CUEDC1: variants seen among roughly 807,000 people sequenced by gnomAD.
CUEDC1 encodes the protein CUE domain containing 1, also known as CUE domain-containing protein 1.
Under a neutral mutation model 43.7 loss-of-function variants are expected in CUEDC1, and 30 were observed. The observed-to-expected ratio is 0.69, with a 90% CI of 0.51 to 0.93. The LOEUF is 0.93. Ranked by LOEUF, CUEDC1 falls within the 40% of genes least tolerant of loss-of-function variation. The pLI, the probability that CUEDC1 is intolerant of heterozygous loss-of-function variation, is 0.00. For synonymous variants in CUEDC1, 223 were observed against 223.6 expected (o/e 1.00, Z 0.02); for missense variants, 486 against 549.0 (o/e 0.89, Z 1.15).
At chr17:57,943,639 A>G (rs1323895460) in intron 1 of CUEDC1, among the ~76,000 whole-genome samples, 1 of 152,146 alleles carries the variant, frequency 6.6e-6, no homozygotes. Flanking sequence ...CCCAAATAAA[A>G]TGGGATAGGA....
chr17:57,905,655 AG>A (rs2074523484), intron 1 of CUEDC1, among the ~76,000 whole-genome samples: 1 of 152,232 alleles, frequency 6.6e-6, no homozygotes. Context: ...CAAAAAACAC[AG>A]GGCACATCCA....
rs1187975774 is a variant in CUEDC1, at chr17:57,873,572, CG to C, written c.591+18del. On this transcript the variant is annotated intron_variant, in intron 4 of 10. Transcript: ENST00000577830. The stretch of plus-strand genomic sequence containing the variant: ...TGGACAAGCAGGTGGGAGTGGAAGG[CG>C]GGGGCGGCCCCTGTTACCTGTATGC... The C allele has an allele frequency of 1.3e-6, 2 of 1,526,814 alleles. No homozygotes were observed. The highest frequency in any genetic ancestry group is 1.8e-6 in the Non-Finnish European group (2 of 1,134,236). 94.6% of individuals were successfully genotyped at this position (1,526,814 alleles called of 1,614,324 possible). A position where few individuals can be genotyped will look rare whatever the true frequency, so the allele number is the denominator to read the frequency against.
At chr17:57,866,975 G>C (rs2073968094) in intron 9 of CUEDC1, 1 of 369,878 alleles carries the variant, frequency 2.7e-6, no homozygotes, top group Non-Finnish European at 5.1e-6. Context: ...GGAAGGGACT[G>C]GGTGAAAGTT....
At chr17:57,880,195 G>A (rs923394841) in intron 2 of CUEDC1, among the ~76,000 whole-genome samples, 1 of 152,186 alleles carries the variant, frequency 6.6e-6, no homozygotes, top group Non-Finnish European at 1.5e-5. Flanking sequence ...AGCTGCATGC[G>A]TGTGACTCAT....
At chr17:57,887,163 C>A (rs532478609) in intron 1 of CUEDC1, among the ~76,000 whole-genome samples, 1 of 152,120 alleles carries the variant, frequency 6.6e-6, no homozygotes, top group East Asian at 1.9e-4. Flanking sequence ...TTCTCCTGCC[C>A]CAGCCAATGT....
chr17:57,929,924 C>A (rs1384648425), intron 1 of CUEDC1, among the ~76,000 whole-genome samples: 1 of 152,182 alleles, frequency 6.6e-6, no homozygotes, highest in Non-Finnish European at 1.5e-5. Flanking sequence ...GCCTCAGCCT[C>A]CCGAGTAGCT....
At position 57,930,082 on chromosome 17, in the gene CUEDC1, C is replaced by T. The variant is rs991987824; in HGVS notation, c.-316+25143G>A. On this transcript the variant is annotated intron_variant, in intron 1 of 10. Transcript: ENST00000577830. This position sits in a 1 kb window ranked among gnomAD's most constrained non-coding sequence, Gnocchi z 4.2. The stretch of plus-strand genomic sequence containing the variant: ...CCTCCCAAAGTGCTGGGATTACAGG[C>T]GTGAGCCACTGCGCCCGGCCACTTC... 2.0e-5 allele frequency among the ~76,000 whole-genome samples: 3 copies of T among 152,198 alleles called. No homozygotes were observed. Among genetic ancestry groups the T allele is most frequent in the African/African-American group, 4.8e-5 (2 of 41,440 alleles).
At position 57,954,184 on chromosome 17, in the gene CUEDC1, G is replaced by C. The variant is rs879522181; in HGVS notation, c.-316+1041C>G. Reference sequence around the variant, plus strand: ...TCCTGGGCCAGGTGGCTCAGGTGCTGCGGGATCACCCAGGGAAGGCTCATT... The same window carrying C: ...TCCTGGGCCAGGTGGCTCAGGTGCTCCGGGATCACCCAGGGAAGGCTCATT... On this transcript the variant is annotated intron_variant, in intron 1 of 10. Coordinates refer to ENST00000577830, the MANE Select transcript of CUEDC1 (RefSeq NM_001271875.2). This position sits in a 1 kb window ranked among gnomAD's most constrained non-coding sequence, Gnocchi z 4.3. Among the ~76,000 whole-genome samples the C allele has an allele frequency of 2.6e-5, 4 of 152,192 alleles. No homozygotes were observed. Among genetic ancestry groups the C allele is most frequent in the Non-Finnish European group, 4.4e-5 (3 of 68,042 alleles).
At chr17:57,893,162 G>A (rs1352283232) in intron 1 of CUEDC1, among the ~76,000 whole-genome samples, 4 of 152,220 alleles carry the variant, frequency 2.6e-5, no homozygotes, top group Non-Finnish European at 5.9e-5. Flanking sequence ...TGAGTCCTGC[G>A]GAAACCTCAA....
Position 57,924,539 on chromosome 17 carries a change from C to T in CUEDC1, c.-316+30686G>A, listed in dbSNP as rs1221323658. On this transcript the variant is annotated intron_variant, in intron 1 of 10. Transcript: ENST00000577830. ...GAAGTGGTGTCTATCCCGTGTGTTGCGTGGCTAAGCAAGGCACCCAGCCCC... is the reference window on the plus strand; with the variant it reads ...GAAGTGGTGTCTATCCCGTGTGTTGTGTGGCTAAGCAAGGCACCCAGCCCC... Among the ~76,000 whole-genome samples, 8 of 152,144 alleles carry T rather than the reference C, an allele frequency of 5.3e-5. No homozygotes were observed. The South Asian group carries it at 8.3e-4, about 16-fold the overall frequency.
chr17:57,882,151 C>T (rs574043060), intron 2 of CUEDC1, among the ~76,000 whole-genome samples: 5 of 152,276 alleles, frequency 3.3e-5, no homozygotes, highest in South Asian at 4.1e-4. Context: ...GGATACCCCT[C>T]GGGCCAGCCC....
At chr17:57,950,724 C>T (rs1354261190) in intron 1 of CUEDC1, among the ~76,000 whole-genome samples, 3 of 152,156 alleles carry the variant, frequency 2.0e-5, no homozygotes, top group Non-Finnish European at 2.9e-5. Context: ...CCGCCCGCCT[C>T]GGCCTCCCAA....
At chr17:57,866,956 G>A (rs530913137) in intron 9 of CUEDC1, 92 of 349,972 alleles carry the variant, frequency 2.6e-4, no homozygotes, top group Admixed American at 2.0e-4. Flanking sequence ...TCTGGCCCAC[G>A]TGGCCTTTGG....
chr17:57,907,839 C>CAAAA (rs869267040), intron 1 of CUEDC1, among the ~76,000 whole-genome samples: 1 of 83,862 alleles, frequency 1.2e-5, no homozygotes. Flanking sequence ...GAGTGAGACT[C>CAAAA]AAAAAAAAAA....
intron 2 of CUEDC1, among the ~76,000 whole-genome samples, chr17:57,884,484 C>A (rs959884242): frequency 1.3e-5 from 2 of 151,816 alleles, no homozygotes; most frequent in African/African-American, 4.8e-5. Context: ...GCATGAGCCA[C>A]CTCGCCCGGC....
chr17:57,889,239 G>T lies in CUEDC1; in HGVS notation c.-315-3360C>A, dbSNP rs1252236541. On this transcript the variant is annotated intron_variant, in intron 1 of 10. Transcript: ENST00000577830. ...TAGAACGTGGCTATGCTGCATTTGA[G>T]TTATCATTGCCCCAGGAGGCTGGTA... Among the ~76,000 whole-genome samples the T allele has an allele frequency of 2.0e-5, 3 of 152,166 alleles. No homozygotes were observed. The South Asian group carries it at 6.2e-4, about 32-fold the overall frequency.
At chr17:57,883,165 A>G (rs896763431) in intron 2 of CUEDC1, among the ~76,000 whole-genome samples, 2 of 152,162 alleles carry the variant, frequency 1.3e-5, no homozygotes, top group African/African-American at 4.8e-5. Context: ...GAGAGAGACA[A>G]TAGAAAACTG....
intron 10 of CUEDC1, among the ~76,000 whole-genome samples, chr17:57,864,437 G>T (rs755552594): frequency 2.6e-5 from 4 of 152,130 alleles, no homozygotes; most frequent in Non-Finnish European, 5.9e-5. Context: ...AGTATTTAGG[G>T]AGTGGGCGGA....
chr17:57,900,943 C>A (rs2074464981), intron 1 of CUEDC1, among the ~76,000 whole-genome samples: 1 of 152,192 alleles, frequency 6.6e-6, no homozygotes, highest in Non-Finnish European at 1.5e-5. Context: ...CGGTGGCGAC[C>A]ACCTTCCTCA....
Sources: gnomAD v4.1 joint callset for allele counts (sites outside exome capture counted in the v4.1 genomes callset) on GRCh38, gnomAD v4.1.1 for gene constraint, Gnocchi (gnomAD v3.1) non-coding constraint, MANE v1.5 for transcripts, NCBI Gene and HGNC (gene_info 2026-07-23, HGNC 2026-07-21) for gene names.